LRCOL1: variants seen among roughly 807,000 people sequenced by gnomAD.
LRCOL1 encodes the protein leucine-rich colipase-like protein 1.
Under a neutral mutation model 21.6 loss-of-function variants are expected in LRCOL1, and 21 were observed. That is an observed-to-expected ratio of 0.97 (90% CI 0.69 to 1.40). LRCOL1 has a LOEUF of 1.40. Ranked by LOEUF, LRCOL1 falls within the 40% of genes most tolerant of loss-of-function variation. LRCOL1 has a pLI of 0.00. For synonymous variants in LRCOL1, 98 were observed against 90.1 expected, an observed-to-expected ratio of 1.09 and a Z score of -0.49; for missense variants, 198 against 202.3, an observed-to-expected ratio of 0.98 and a Z score of 0.13.
chr12:132,603,364 GC>G lies in LRCOL1; in HGVS notation c.*37del, dbSNP rs1228159577. On this transcript the variant is annotated 3_prime_UTR_variant, in exon 6 of 6. Transcript: ENST00000376608. ...CGCGGTCCTGCGTGAACATCCCAGG[GC>G]CCAGGCCGGTCCCTCGCGCCCAGGT... 1.3e-6 allele frequency: 2 copies of G among 1,536,146 alleles called. No individual in the cohort carries two copies. Among genetic ancestry groups the G allele is most frequent in the East Asian group, 2.4e-5 (1 of 40,922 alleles).
At chr12:132,605,380 A>T (rs1017755028) in intron 2 of LRCOL1, among the ~76,000 whole-genome samples, 1 of 152,262 alleles carries the variant, frequency 6.6e-6, no homozygotes, top group Non-Finnish European at 1.5e-5. Context: ...ATTTTAAGAT[A>T]AAAACAGTAA....
In LRCOL1 at chr12:132,606,118, C is replaced by CA. The variant is rs2041305974; in HGVS notation, c.105+28dup. 6.5e-7 allele frequency: 1 copy of CA among 1,532,972 alleles called. No homozygotes were observed. The highest frequency in any genetic ancestry group is 8.7e-7 in the Non-Finnish European group (1 of 1,144,326). The allele number at this position is 1,532,972 out of a possible 1,614,324, so 95.0% of individuals were successfully genotyped here. A position where few individuals can be genotyped will look rare whatever the true frequency, so the allele number is the denominator to read the frequency against. On this transcript the variant is annotated intron_variant, in intron 2 of 5. Transcript: ENST00000376608. This position sits in a 1 kb window ranked among gnomAD's most constrained non-coding sequence, Gnocchi z 4.6. ...CACCTTATGGCGCGTGTGGGGCCTGCAGGGGCATCAGGGGTGCCCGGCACC... is the reference window on the plus strand; with the variant it reads ...CACCTTATGGCGCGTGTGGGGCCTGCAAGGGGCATCAGGGGTGCCCGGCACC...
In LRCOL1 at chr12:132,610,404, GCAGAGAAGTACC is replaced by G. The variant is rs1418528981; in HGVS notation, c.-107_-96del. On this transcript the variant is annotated 5_prime_UTR_variant, in exon 1 of 6. Transcript: ENST00000376608. Reference sequence around the variant, plus strand: ...CAGCTTCTAGACGAGACGCCCGAAAGCAGAGAAGTACCCAGAGCAGGGACCCGGCAGCCCGGC... The same window carrying G: ...CAGCTTCTAGACGAGACGCCCGAAAGCAGAGCAGGGACCCGGCAGCCCGGC... The G allele has an allele frequency of 6.6e-6, 1 of 152,416 alleles. No individual in the cohort carries two copies. Among genetic ancestry groups the G allele is most frequent in the Non-Finnish European group, 1.5e-5 (1 of 68,214 alleles). The allele number at this position is 152,416 out of a possible 1,614,324, so 9.4% of individuals were successfully genotyped here.
rs577467148 is a variant in LRCOL1, at chr12:132,604,491, C to T, written c.325G>A (p.Val109Ile). 4.9e-5 allele frequency: 75 copies of T among 1,536,038 alleles called. No individual in the cohort carries two copies. In the African/African-American group the frequency reaches 6.3e-4, roughly 13 times the overall value. Reference sequence around the variant, plus strand: ...CGCCAGGGCACACACTGCAGGAAGACGCTTTGGGGCGTGCACAACTCCTGC... The same window carrying T: ...CGCCAGGGCACACACTGCAGGAAGATGCTTTGGGGCGTGCACAACTCCTGC... ...SPQELCTPQS[V>I]FLQCVPWRKP... The change falls in exon 4 of 6, where the codon GTC becomes ATC. Residue 109 changes from valine (V) to isoleucine (I), a missense_variant. Coordinates refer to ENST00000376608, the MANE Select transcript of LRCOL1 (RefSeq NM_001195520.2).
intron 1 of LRCOL1, among the ~76,000 whole-genome samples, chr12:132,607,441 T>C (rs1282259944): frequency 6.6e-6 from 1 of 152,178 alleles, no homozygotes; most frequent in Non-Finnish European, 1.5e-5. Context: ...AAACCATTCG[T>C]TATGTAAGAT....
Position 132,606,197 on chromosome 12 carries a change from C to CCAGCAGCAG in LRCOL1, c.46_54dup (p.Leu16_Leu18dup), listed in dbSNP as rs112975396. 7 of 1,410,294 alleles carry CCAGCAGCAG rather than the reference C, an allele frequency of 5.0e-6. No individual in the cohort carries two copies. The highest frequency in any genetic ancestry group is 1.3e-5 in the South Asian group (1 of 76,340). 87.4% of individuals were successfully genotyped at this position (1,410,294 alleles called of 1,614,324 possible). A position where few individuals can be genotyped will look rare whatever the true frequency, so the allele number is the denominator to read the frequency against. On this transcript the variant is annotated inframe_insertion, in exon 2 of 6. Transcript: ENST00000376608. The surrounding 1 kb of genome is among the most constrained non-coding windows in gnomAD (Gnocchi z 4.6). ...TGTGGCCCATACCCTGCCATGGACC[C>CCAGCAGCAG]CAGCAGCAGCAGCAGCAGCAGCAGT...
In LRCOL1 at chr12:132,605,745, T is replaced by TC. The variant is rs57880239; in HGVS notation, c.105+401_105+402insG. The TC allele has an allele frequency of 2.4e-3, 134 of 55,010 alleles. 1 individual carries two copies. In the South Asian group the frequency reaches 0.052, roughly 21 times the overall value. The allele number at this position is 55,010 out of a possible 1,614,324, so 3.4% of individuals were successfully genotyped here. On this transcript the variant is annotated intron_variant, in intron 2 of 5. Coordinates refer to ENST00000376608, the MANE Select transcript of LRCOL1 (RefSeq NM_001195520.2). Reference sequence around the variant, plus strand: ...CTTCATCTCTCTCTCTCTCTCTCTCTTACACACACACGCACACAATTTAAA... The same window carrying TC: ...CTTCATCTCTCTCTCTCTCTCTCTCTCTACACACACACGCACACAATTTAAA...
intron 3 of LRCOL1, 34 bp downstream of exon 3, chr12:132,604,672 C>T (rs1187464695): frequency 3.3e-6 from 5 of 1,528,168 alleles, no homozygotes; most frequent in Non-Finnish European, 4.4e-6. Context: ...CAGGCAGTCT[C>T]GCTCCTCCAC....
chr12:132,607,175 G>A (rs565560587), intron 1 of LRCOL1, among the ~76,000 whole-genome samples: 3 of 152,318 alleles, frequency 2.0e-5, no homozygotes, highest in East Asian at 1.9e-4. Context: ...CACAGCGACC[G>A]GCCCAGTACA....
At position 132,606,388 on chromosome 12, in the gene LRCOL1, T is replaced by C. The variant is rs2041311189; in HGVS notation, c.-13-124A>G. On this transcript the variant is annotated intron_variant, in intron 1 of 5. Coordinates refer to ENST00000376608, the MANE Select transcript of LRCOL1 (RefSeq NM_001195520.2). The surrounding 1 kb of genome is among the most constrained non-coding windows in gnomAD (Gnocchi z 4.6). ...ATCCTTTCTCTTGCAAGACAGACTT[T>C]TAAAAACTTAATGGACTTTATTTTC... 1.0e-5 allele frequency: 8 copies of C among 800,514 alleles called. No individual in the cohort carries two copies. Among genetic ancestry groups the C allele is most frequent in the Non-Finnish European group, 1.3e-5 (7 of 521,580 alleles). 49.6% of individuals were successfully genotyped at this position (800,514 alleles called of 1,614,324 possible).
intron 1 of LRCOL1, among the ~76,000 whole-genome samples, chr12:132,609,326 A>C (rs1459108181): frequency 2.6e-5 from 4 of 152,198 alleles, no homozygotes; most frequent in African/African-American, 9.7e-5. Context: ...GAAGATGTAA[A>C]GCTCTGCAGG....
At chr12:132,607,710 CCT>C (rs1483069531) in intron 1 of LRCOL1, among the ~76,000 whole-genome samples, 1 of 133,606 alleles carries the variant, frequency 7.5e-6, no homozygotes, top group East Asian at 2.3e-4. Flanking sequence ...TCTGTCTCTC[CCT>C]CTGTCTCTGT....
At chr12:132,605,724 A>ATC (rs751425832) in intron 2 of LRCOL1, 18,649 of 127,116 alleles carry the variant, frequency 0.15, 2,136 homozygotes, top group African/African-American at 0.37. Flanking sequence ...GCGAGGCTTC[A>ATC]TCTCTCTCTC....
chr12:132,605,545 AT>A (rs1293915485), intron 2 of LRCOL1, among the ~76,000 whole-genome samples: 1 of 152,134 alleles, frequency 6.6e-6, no homozygotes, highest in African/African-American at 2.4e-5. Context: ...CCTCGTCAAC[AT>A]GGTGAAACCC....
intron 1 of LRCOL1, among the ~76,000 whole-genome samples, chr12:132,608,403 TCA>T (rs1197050836): frequency 6.6e-6 from 1 of 152,212 alleles, no homozygotes; most frequent in Non-Finnish European, 1.5e-5. Context: ...TTTACCTCCC[TCA>T]CAGGAAGTCA....
intron 3 of LRCOL1, 53 bp from the exon 4 acceptor site, chr12:132,604,637 T>G (rs1195210759): frequency 2.0e-6 from 3 of 1,526,234 alleles, no homozygotes; most frequent in Non-Finnish European, 2.6e-6. Flanking sequence ...TCCCTGGCTC[T>G]TCAGGGGCAG....
chr12:132,607,961 C>G (rs1426213329), intron 1 of LRCOL1, among the ~76,000 whole-genome samples: 3 of 151,942 alleles, frequency 2.0e-5, no homozygotes, highest in South Asian at 2.1e-4. Context: ...CTCTCCCTCT[C>G]TCTGTCTCTT....
rs1289414234 is a variant in LRCOL1, at chr12:132,603,365, C to A, written c.*37G>T. On this transcript the variant is annotated 3_prime_UTR_variant, in exon 6 of 6. Coordinates refer to ENST00000376608, the MANE Select transcript of LRCOL1 (RefSeq NM_001195520.2). ...GCGGTCCTGCGTGAACATCCCAGGG[C>A]CCAGGCCGGTCCCTCGCGCCCAGGT... The A allele has an allele frequency of 1.4e-5, 22 of 1,536,022 alleles. No homozygotes were observed. The highest frequency in any genetic ancestry group is 1.8e-5 in the Non-Finnish European group (21 of 1,146,864).
rs2041271068 is a variant in LRCOL1 at position 132,604,311 on chromosome 12, C to G, written c.420G>C (p.Glu140Asp). ...GGGGAATGCAGCGGAAGGGGCTGTA[C>G]TCCCTCAGCTGGATGCAGCACTGGC... ...CHSQCCIQLR[E>D]YSPFRCIPRT... The change falls in exon 5 of 6, where the codon GAG becomes GAC. Residue 140 changes from glutamate (E) to aspartate (D), a missense_variant. By Grantham distance (45) the Glu-to-Asp change is conservative. Coordinates refer to ENST00000376608, the MANE Select transcript of LRCOL1 (RefSeq NM_001195520.2). 2 of 1,535,704 alleles carry G rather than the reference C, an allele frequency of 1.3e-6. No homozygotes were observed. Among genetic ancestry groups the G allele is most frequent in the South Asian group, 2.4e-5 (2 of 84,068 alleles).
Sources: gnomAD v4.1 joint callset for allele counts (sites outside exome capture counted in the v4.1 genomes callset) on GRCh38, gnomAD v4.1.1 for gene constraint, Gnocchi (gnomAD v3.1) non-coding constraint, MANE v1.5 for transcripts, NCBI Gene and HGNC (gene_info 2026-07-23, HGNC 2026-07-21) for gene names.